GRAMD1C: variants seen among roughly 807,000 people sequenced by gnomAD.
GRAMD1C encodes GRAM domain containing 1C, also known as protein Aster-C.
GRAMD1C carries 89 observed loss-of-function variants against 97.8 expected under a neutral mutation model. The ratio of observed to expected loss-of-function variants is 0.91; its 90% confidence interval spans 0.77 to 1.09. GRAMD1C has a LOEUF of 1.09. Among genes scored for constraint, GRAMD1C ranks in the 50% least tolerant of loss-of-function variants. The probability of loss-of-function intolerance (pLI) is 0.00; values close to 1 mark genes in which losing one functional copy is unlikely to be tolerated. For missense variants in GRAMD1C, 740 were observed against 766.4 expected, an observed-to-expected ratio of 0.97 and a Z score of 0.41; for synonymous variants, 256 against 267.0, an observed-to-expected ratio of 0.96 and a Z score of 0.40.
chr3:113,897,148 G>A (rs1368726064), intron 6 of GRAMD1C, among the ~76,000 whole-genome samples: 2 of 152,058 alleles, frequency 1.3e-5, no homozygotes, highest in East Asian at 3.8e-4. Flanking sequence ...TTTGGTTGTT[G>A]TAAAGGATTA....
intron 6 of GRAMD1C, among the ~76,000 whole-genome samples, chr3:113,890,157 C>G (rs1304379372): frequency 6.6e-6 from 1 of 152,120 alleles, no homozygotes; most frequent in African/African-American, 2.4e-5. Flanking sequence ...GAGAAGTAGC[C>G]TACAAGTCTG....
In GRAMD1C at chr3:113,946,997, A is replaced by C. The variant is rs1559834174; in HGVS notation, c.*1519A>C. 6.6e-6 allele frequency: 1 copy of C among 152,216 alleles called. No individual in the cohort carries two copies. Among genetic ancestry groups the C allele is most frequent in the Non-Finnish European group, 1.5e-5 (1 of 68,048 alleles). The allele number at this position is 152,216 out of a possible 1,614,324, so 9.4% of individuals were successfully genotyped here. On this transcript the variant is annotated 3_prime_UTR_variant, in exon 18 of 18. Transcript: ENST00000358160. The stretch of plus-strand genomic sequence containing the variant: ...TCTGTTAAAGTCACAAAAATGATCG[A>C]CAAACAATATTTTTGTGATGTTTAT...
At chr3:113,887,079 C>A (rs1421367231) in intron 6 of GRAMD1C, among the ~76,000 whole-genome samples, 1 of 97,538 alleles carries the variant, frequency 1.0e-5, no homozygotes, top group Admixed American at 1.1e-4. Flanking sequence ...TGCGCCTGGC[C>A]TTTTTGTTTT....
Position 113,940,317 on chromosome 3 carries a change from T to TC in GRAMD1C, c.1882dup (p.Arg628ProfsTer8), listed in dbSNP as rs1937710520. On this transcript the variant is annotated frameshift_variant, in exon 17 of 18. Coordinates refer to ENST00000358160, the MANE Select transcript of GRAMD1C (RefSeq NM_017577.5). LOFTEE classifies it high-confidence loss of function. Reference sequence around the variant, plus strand: ...CAGGCCCATCGTTTAAAGGGAGTGCTCCGAGACTCCATAGTGATGCTTGAA... The same window carrying TC: ...CAGGCCCATCGTTTAAAGGGAGTGCTCCCGAGACTCCATAGTGATGCTTGAA... The TC allele has an allele frequency of 6.3e-7, 1 of 1,598,108 alleles. No individual in the cohort carries two copies.
intron 9 of GRAMD1C, chr3:113,913,273 C>T (rs1936674241): frequency 2.6e-6 from 1 of 382,062 alleles, no homozygotes; most frequent in African/African-American, 2.2e-5. Context: ...GCTTGTAATC[C>T]CAGCACTTTG....
intron 2 of GRAMD1C, among the ~76,000 whole-genome samples, chr3:113,846,318 C>A (rs1933611352): frequency 6.6e-6 from 1 of 152,076 alleles, no homozygotes; most frequent in Non-Finnish European, 1.5e-5. Context: ...GTTGGCCAGG[C>A]TGGTCTTGAA....
chr3:113,890,259 A>T (rs747221089), intron 6 of GRAMD1C, among the ~76,000 whole-genome samples: 3 of 152,162 alleles, frequency 2.0e-5, no homozygotes, highest in African/African-American at 7.2e-5. Flanking sequence ...AGTAGAAGTG[A>T]CTAGCTTGGA....
At chr3:113,907,696 T>G (rs1004885984) in intron 8 of GRAMD1C, among the ~76,000 whole-genome samples, 3 of 152,202 alleles carry the variant, frequency 2.0e-5, no homozygotes, top group African/African-American at 7.2e-5. Flanking sequence ...TTTGTAAAAC[T>G]TCATGAAATA....
upstream of GRAMD1C, among the ~76,000 whole-genome samples, chr3:113,835,737 G>A (rs1021310155): frequency 1.3e-5 from 2 of 152,154 alleles, no homozygotes; most frequent in East Asian, 1.9e-4. Flanking sequence ...TCTGTGTTTC[G>A]AACGATGTTC....
chr3:113,900,241 C>T (rs947427208), intron 6 of GRAMD1C, among the ~76,000 whole-genome samples: 1 of 151,136 alleles, frequency 6.6e-6, no homozygotes, highest in Non-Finnish European at 1.5e-5. Context: ...CACCTGCAAT[C>T]CCAGCCACTC....
intron 2 of GRAMD1C, among the ~76,000 whole-genome samples, chr3:113,855,578 G>A (rs765752081): frequency 8.6e-5 from 13 of 151,648 alleles, no homozygotes; most frequent in Non-Finnish European, 1.0e-4. Context: ...GGTGGTGCGC[G>A]CCTGTAATCC....
At chr3:113,938,005 CAAAAAA>C (rs5851908) in intron 14 of GRAMD1C, 75 bp from the exon 15 acceptor site, 7 of 508,124 alleles carry the variant, frequency 1.4e-5, no homozygotes, top group South Asian at 7.3e-5. Context: ...AACTCCTTCT[CAAAAAA>C]AAAAAAAAAA....
chr3:113,880,400 T>C (rs1935211561), intron 5 of GRAMD1C, among the ~76,000 whole-genome samples: 1 of 152,218 alleles, frequency 6.6e-6, no homozygotes, highest in African/African-American at 2.4e-5. Context: ...TTACATGTGT[T>C]GTTTTTCGGC....
At chr3:113,869,897 TG>T (rs1160660062) in intron 3 of GRAMD1C, among the ~76,000 whole-genome samples, 1 of 152,148 alleles carries the variant, frequency 6.6e-6, no homozygotes, top group Non-Finnish European at 1.5e-5. Context: ...GGTACATAAA[TG>T]CAATGAAATA....
rs534924964 is a variant in GRAMD1C, at chr3:113,870,010, G to A, written c.259+419G>A. ...GAAATAAGCCAGGCACAAGAAGACA[G>A]ATATCCCATGTTCTCACTCATCTGT... is the stretch of plus-strand genomic sequence containing the variant. On this transcript the variant is annotated intron_variant, in intron 3 of 17. Transcript: ENST00000358160. Among the ~76,000 whole-genome samples the A allele has an allele frequency of 3.8e-4, 58 of 152,218 alleles. 1 individual carries two copies. Among genetic ancestry groups the A allele is most frequent in the Admixed American group, 3.2e-3 (49 of 15,276 alleles).
chr3:113,849,895 G>A (rs1448234537), intron 2 of GRAMD1C, among the ~76,000 whole-genome samples: 1 of 150,558 alleles, frequency 6.6e-6, no homozygotes, highest in African/African-American at 2.4e-5. Flanking sequence ...CTCACCTCCC[G>A]GACGGGGCGG....
At chr3:113,913,238 G>T (rs1391642041) in intron 9 of GRAMD1C, 23 of 494,530 alleles carry the variant, frequency 4.7e-5, no homozygotes, top group South Asian at 2.4e-4. Flanking sequence ...TTCCAAAGTA[G>T]TTTCAGCTGG....
At chr3:113,863,962 T>C (rs1336220662) in intron 2 of GRAMD1C, among the ~76,000 whole-genome samples, 3 of 152,234 alleles carry the variant, frequency 2.0e-5, no homozygotes, top group Non-Finnish European at 4.4e-5. Context: ...TTTCATGCTC[T>C]ACCACATGGT....
Position 113,844,620 on chromosome 3 carries a change from C to T in GRAMD1C, c.145C>T (p.His49Tyr), listed in dbSNP as rs1393168805. Reference sequence around the variant, plus strand: ...AGTTAAAAAACAGGGGCCAAATTTACATAATTGGAGTGGTGACTGGAGCTT... The same window carrying T: ...AGTTAAAAAACAGGGGCCAAATTTATATAATTGGAGTGGTGACTGGAGCTT... ...VVVKKQGPNL[H>Y]NWSGDWSFWI... Residue 49 changes from histidine to tyrosine, a missense_variant, in exon 2 of 18, where the codon CAT becomes TAT. Transcript: ENST00000358160. 6 of 1,603,044 alleles carry T rather than the reference C, an allele frequency of 3.7e-6. No homozygotes were observed. The highest frequency in any genetic ancestry group is 1.1e-5 in the South Asian group (1 of 89,296).
Sources: allele counts gnomAD v4.1 joint callset (sites outside exome capture counted in the v4.1 genomes callset), GRCh38; gene constraint gnomAD v4.1.1; transcripts MANE v1.5; gene names NCBI Gene and HGNC (gene_info 2026-07-23, HGNC 2026-07-21).